C9: variants seen among roughly 807,000 people sequenced by gnomAD.
C9 encodes complement C9, also known as complement component C9.
A neutral mutation model predicts 65.4 loss-of-function variants in C9; 63 were observed. The ratio of observed to expected loss-of-function variants is 0.96; its 90% CI spans 0.79 to 1.19. C9 has a LOEUF of 1.19. C9 is among the 50% of genes most tolerant of loss of function. C9 has a pLI of 0.00. For missense variants in C9, 744 were observed against 670.1 expected, an observed-to-expected ratio of 1.11 and a Z score of -1.22; for synonymous variants, 229 against 227.9, an observed-to-expected ratio of 1.00 and a Z score of -0.04.
intron 6 of C9, 40 bp from the exon 7 acceptor site, chr5:39,311,417 T>C: frequency 6.3e-7 from 1 of 1,598,516 alleles, no homozygotes; most frequent in South Asian, 1.1e-5. Context: ...ACATGTGTTT[T>C]ATCCACCATT....
intron 9 of C9, among the ~76,000 whole-genome samples, chr5:39,298,593 T>G (rs1257153955): frequency 6.6e-6 from 1 of 151,784 alleles, no homozygotes; most frequent in Non-Finnish European, 1.5e-5. Context: ...AATATCTATT[T>G]AAATAATTGA....
intron 1 of C9, among the ~76,000 whole-genome samples, chr5:39,347,942 G>T (rs75680491): frequency 0.95 from 134,709 of 141,830 alleles, 64,122 homozygotes; most frequent in Non-Finnish European, 0.98. Flanking sequence ...TTTAATAAAT[G>T]GTGCTGGGAA....
At chr5:39,294,784 A>T (rs1753154130) in intron 9 of C9, among the ~76,000 whole-genome samples, 1 of 151,878 alleles carries the variant, frequency 6.6e-6, no homozygotes, top group Non-Finnish European at 1.5e-5. Flanking sequence ...ATAGACCAAT[A>T]TCCCCAATGA....
chr5:39,284,858 C>T lies in C9; in HGVS notation c.*341G>A, dbSNP rs73749490. The stretch of plus-strand genomic sequence containing the variant: ...GCAGAATATGTTAACCATACAAAGC[C>T]GTTTGAAAATTACTTTGAAGTTTTT... On this transcript the variant is annotated 3_prime_UTR_variant, in exon 11 of 11. Transcript: ENST00000263408. 2.9e-3 allele frequency: 921 copies of T among 318,584 alleles called. 8 individuals carry two copies. Among genetic ancestry groups the T allele is most frequent in the African/African-American group, 0.018 (829 of 46,494 alleles). 19.7% of individuals were successfully genotyped at this position (318,584 alleles called of 1,614,324 possible). A position where few individuals can be genotyped will look rare whatever the true frequency, so the allele number is the denominator to read the frequency against.
intron 2 of C9, 61 bp downstream of exon 2, chr5:39,342,030 A>G: frequency 1.1e-6 from 1 of 943,596 alleles, no homozygotes; most frequent in Non-Finnish European, 1.8e-6. Context: ...ATTTTTCTGG[A>G]GAGGCTAGCA....
chr5:39,301,731 C>T (rs946629209), intron 9 of C9, among the ~76,000 whole-genome samples: 1 of 151,982 alleles, frequency 6.6e-6, no homozygotes, highest in Admixed American at 6.6e-5. Context: ...AGATGAAATT[C>T]TTTAGTGGGA....
chr5:39,297,656 C>A (rs1378443305), intron 9 of C9, among the ~76,000 whole-genome samples: 1 of 151,512 alleles, frequency 6.6e-6, no homozygotes, highest in Non-Finnish European at 1.5e-5. Flanking sequence ...TTTCAATATA[C>A]AAAGAAGATA....
chr5:39,331,717 ATG>A lies in C9; in HGVS notation c.572_573del (p.Thr191IlefsTer14). On this transcript the variant is annotated frameshift_variant, in exon 5 of 11. Coordinates refer to ENST00000263408, the MANE Select transcript of C9 (RefSeq NM_001737.5). LOFTEE classifies it high-confidence loss of function. ...CNRDRDGNTLTYYRRPWNVAS... is the reference protein window; with the variant it reads ...CNRDRDGNTLXYYRRPWNVAS... The stretch of plus-strand genomic sequence containing the variant: ...GCCACGTTCCAAGGTCTTCGGTAGT[ATG>A]TCAGAGTGTTTCCATCCCGATCCCG... The A allele has an allele frequency of 6.2e-7, 1 of 1,613,934 alleles. No homozygotes were observed. The highest frequency in any genetic ancestry group is 8.5e-7 in the Non-Finnish European group (1 of 1,179,784).
Position 39,310,108 on chromosome 5 carries a change from C to A in C9, c.1111+1029G>T, listed in dbSNP as rs184295538. Among the ~76,000 whole-genome samples the A allele has an allele frequency of 3.9e-5, 6 of 152,254 alleles. No individual in the cohort carries two copies. In the East Asian group the frequency reaches 1.2e-3, roughly 29 times the overall value. On this transcript the variant is annotated intron_variant, in intron 7 of 10. Transcript: ENST00000263408. ...CGGGAAAGCTTCTCTCTGCCCAAAA[C>A]AAGACTGAGGCATCAAGACCAGCTG...
chr5:39,318,021 C>T (rs1753601312), intron 5 of C9, among the ~76,000 whole-genome samples: 1 of 152,056 alleles, frequency 6.6e-6, no homozygotes. Flanking sequence ...TCTCTGATTT[C>T]CTTGAGCAGT....
At chr5:39,291,245 T>G (rs934331677) in intron 9 of C9, among the ~76,000 whole-genome samples, 11 of 138,446 alleles carry the variant, frequency 7.9e-5, no homozygotes, top group Admixed American at 5.5e-4. Context: ...AACTGGAAGT[T>G]ATTAAAAATA....
In C9 at chr5:39,316,248, A is replaced by G. The variant is rs78456265; in HGVS notation, c.616-219T>C. On this transcript the variant is annotated intron_variant, in intron 5 of 10. Transcript: ENST00000263408. Reference sequence around the variant, plus strand: ...TCTCTATGTGCTTAGTATGATTCTTAGTCTATAAAACAGGGATATTCATCA... The same window carrying G: ...TCTCTATGTGCTTAGTATGATTCTTGGTCTATAAAACAGGGATATTCATCA... 1.5e-3 allele frequency among the ~76,000 whole-genome samples: 232 copies of G among 152,328 alleles called. 3 individuals are homozygous for G. The East Asian group carries it at 0.042, about 28-fold the overall frequency.
intron 4 of C9, 85 bp from the exon 5 acceptor site, chr5:39,331,899 G>A: frequency 3.5e-6 from 4 of 1,142,580 alleles, no homozygotes; most frequent in Non-Finnish European, 5.3e-6. Context: ...AAGTGAGACA[G>A]CTTCAGTTCA....
intron 9 of C9, among the ~76,000 whole-genome samples, chr5:39,291,028 C>T (rs542850728): frequency 1.1e-4 from 17 of 151,932 alleles, no homozygotes; most frequent in African/African-American, 2.4e-4. Context: ...AATAATTTTA[C>T]GTACAGTATT....
intron 10 of C9, among the ~76,000 whole-genome samples, chr5:39,286,144 C>T (rs1224041494): frequency 6.6e-6 from 1 of 151,904 alleles, no homozygotes; most frequent in Non-Finnish European, 1.5e-5. Context: ...ACATATGGAA[C>T]CCGAACCAAG....
intron 1 of C9, among the ~76,000 whole-genome samples, chr5:39,345,260 G>A (rs1579874636): frequency 6.6e-6 from 1 of 152,196 alleles, no homozygotes; most frequent in Non-Finnish European, 1.5e-5. Context: ...CCATCAGTGT[G>A]CTGTATTCAG....
chr5:39,359,278 A>G (rs1055120805), intron 1 of C9, among the ~76,000 whole-genome samples: 1 of 151,488 alleles, frequency 6.6e-6, no homozygotes, highest in Non-Finnish European at 1.5e-5. Flanking sequence ...TATTCTCCAG[A>G]CATGTTATGT....
intron 1 of C9, among the ~76,000 whole-genome samples, chr5:39,343,896 T>TGATACCCAGCAAACACGTTCTG (rs1554051182): frequency 3.2e-4 from 48 of 152,038 alleles, no homozygotes; most frequent in African/African-American, 1.1e-3. Flanking sequence ...CCTCCGCCAC[T>TGATACCCAGCAAACACGTTCTG]GATACCCAGC....
At chr5:39,348,350 A>G (rs1754249358) in intron 1 of C9, among the ~76,000 whole-genome samples, 1 of 152,240 alleles carries the variant, frequency 6.6e-6, no homozygotes, top group Non-Finnish European at 1.5e-5. Context: ...CCCATCAAAA[A>G]GTGGGCAAAG....
Sources: allele counts gnomAD v4.1 joint callset (sites outside exome capture counted in the v4.1 genomes callset), GRCh38; gene constraint gnomAD v4.1.1; transcripts MANE v1.5; gene names NCBI Gene and HGNC (gene_info 2026-07-23, HGNC 2026-07-21).